UTRN: variants seen among roughly 807,000 people sequenced by gnomAD.
UTRN encodes dystrophin-related protein 1.
In UTRN, 283 loss-of-function variants were observed where a neutral mutation model predicts 463.9. The observed-to-expected ratio is 0.61, with a 90% CI of 0.55 to 0.67. UTRN has a LOEUF of 0.67. Ranked by LOEUF, UTRN falls within the 30% of genes least tolerant of loss-of-function variation. The pLI is 0.00. For synonymous variants in UTRN, 1,442 were observed against 1,431.5 expected, an observed-to-expected ratio of 1.01 and a Z score of -0.17; for missense variants, 3,922 against 4,084.3, an observed-to-expected ratio of 0.96 and a Z score of 1.08.
Position 144,754,810 on chromosome 6 carries a change from T to C in UTRN, c.8434+12T>C, listed in dbSNP as rs1791805195. 8 of 1,610,436 alleles carry C rather than the reference T, an allele frequency of 5.0e-6. No individual in the cohort carries two copies. The highest frequency in any genetic ancestry group is 6.8e-6 in the Non-Finnish European group (8 of 1,177,658). Reference sequence around the variant, plus strand: ...GCATTTTCTCTCTAGTAAGTACTAATAAACTGGACTGATCGCATTAATTGA... The same window carrying C: ...GCATTTTCTCTCTAGTAAGTACTAACAAACTGGACTGATCGCATTAATTGA... On this transcript the variant is annotated intron_variant, in intron 57 of 74. Coordinates refer to ENST00000367545, the MANE Select transcript of UTRN (RefSeq NM_007124.3).
chr6:144,497,027 A>C (rs1271060719), intron 33 of UTRN, among the ~76,000 whole-genome samples: 3 of 152,198 alleles, frequency 2.0e-5, no homozygotes, highest in Non-Finnish European at 4.4e-5. Context: ...AATGTCATAG[A>C]GTTTGTGTTA....
At chr6:144,730,247 T>A in intron 53 of UTRN, 110 bp from the exon 54 acceptor site, 1 of 1,207,838 alleles carries the variant, frequency 8.3e-7, no homozygotes, top group Non-Finnish European at 1.1e-6. Context: ...AAATGCTTGC[T>A]ATTAGTCATT....
chr6:144,389,848 C>T (rs1173120351), intron 2 of UTRN, among the ~76,000 whole-genome samples: 2 of 152,198 alleles, frequency 1.3e-5, no homozygotes, highest in African/African-American at 4.8e-5. Context: ...ATCCGCCCAT[C>T]CTGGCCTCCC....
intron 73 of UTRN, among the ~76,000 whole-genome samples, chr6:144,845,423 T>C (rs560206418): frequency 6.6e-6 from 1 of 152,362 alleles, no homozygotes; most frequent in African/African-American, 2.4e-5. Flanking sequence ...ATTTTTACTA[T>C]GAATTGCCTA....
intron 2 of UTRN, among the ~76,000 whole-genome samples, chr6:144,314,409 C>A (rs1034341890): frequency 2.6e-5 from 4 of 152,206 alleles, no homozygotes; most frequent in African/African-American, 4.8e-5. Context: ...CAGGGCGGAG[C>A]TGTTGCTGTG....
chr6:144,649,194 G>A (rs773044627), intron 51 of UTRN, among the ~76,000 whole-genome samples: 2 of 152,260 alleles, frequency 1.3e-5, no homozygotes, highest in East Asian at 3.9e-4. Context: ...AAAACACGAG[G>A]AGGCTATTAT....
intron 3 of UTRN, among the ~76,000 whole-genome samples, chr6:144,415,254 T>G (rs1784269248): frequency 6.6e-6 from 1 of 152,334 alleles, no homozygotes; most frequent in Non-Finnish European, 1.5e-5. Context: ...TGCATTTCTC[T>G]GAATGTATCC....
At position 144,458,982 on chromosome 6, in the gene UTRN, T is replaced by C. The variant is rs1789143406; in HGVS notation, c.2497T>C (p.Ser833Pro). The change falls in exon 20 of 75, where the codon TCC becomes CCC. Residue 833 changes from serine (S) to proline (P), a missense_variant. Ser to Pro is a moderately conservative substitution (Grantham distance 74, BLOSUM62 -1). Transcript: ENST00000367545. Reference protein sequence around the residue: ...HTSISESSRQSLPSLKDSCQR... With the variant: ...HTSISESSRQPLPSLKDSCQR... ...TTCCATTTCTGAATCTTCCCGGCAG[T>C]CCTTGCCAAGCTTGAAGGATTCCTG... 6.2e-7 allele frequency: 1 copy of C among 1,607,352 alleles called. No homozygotes were observed. The highest frequency in any genetic ancestry group is 8.5e-7 in the Non-Finnish European group (1 of 1,177,814).
chr6:144,510,988 C>A lies in UTRN; in HGVS notation c.4809C>A (p.Thr1603=). Residue 1603 remains threonine (T), a synonymous_variant, in exon 35 of 75, where the codon ACC becomes ACA. Coordinates refer to ENST00000367545, the MANE Select transcript of UTRN (RefSeq NM_007124.3). The part of the protein sequence containing the change: ...DLEKRKADLN[T]ITESSAALQN... ...AAAAGAGAAAAGCTGATTTAAATAC[C>A]ATCACAGAGAGTAGTGCTGCCCTGC... 6.2e-7 allele frequency: 1 copy of A among 1,609,230 alleles called. No individual in the cohort carries two copies. The highest frequency in any genetic ancestry group is 8.5e-7 in the Non-Finnish European group (1 of 1,177,144).
At chr6:144,384,319 G>A (rs1421174616) in intron 2 of UTRN, among the ~76,000 whole-genome samples, 1 of 152,146 alleles carries the variant, frequency 6.6e-6, no homozygotes, top group East Asian at 1.9e-4. Flanking sequence ...TCTGCCTCCT[G>A]TCAGATCAGC....
At chr6:144,663,307 G>T (rs1232477854) in intron 51 of UTRN, among the ~76,000 whole-genome samples, 1 of 152,056 alleles carries the variant, frequency 6.6e-6, no homozygotes, top group Non-Finnish European at 1.5e-5. Context: ...TGGGCTCAAG[G>T]GTGACTATGG....
intron 51 of UTRN, among the ~76,000 whole-genome samples, chr6:144,591,884 G>A (rs1210242600): frequency 6.6e-6 from 1 of 152,160 alleles, no homozygotes; most frequent in Non-Finnish European, 1.5e-5. Context: ...AAGAGTTAAA[G>A]AGGTAGAGAA....
At chr6:144,840,711 TTTG>T (rs1781492849) in intron 72 of UTRN, 26 bp from the exon 73 acceptor site, 1 of 1,612,118 alleles carries the variant, frequency 6.2e-7, no homozygotes. Context: ...TTTGAGAAGC[TTTG>T]TTGTTCTCTT....
At chr6:144,446,421 A>G (rs1238339168) in intron 14 of UTRN, among the ~76,000 whole-genome samples, 1 of 152,242 alleles carries the variant, frequency 6.6e-6, no homozygotes, top group Admixed American at 6.5e-5. Context: ...CATAAATAAA[A>G]TTGCTGAGAA....
intron 14 of UTRN, among the ~76,000 whole-genome samples, chr6:144,445,939 G>C (rs1311029361): frequency 6.6e-6 from 1 of 152,056 alleles, no homozygotes; most frequent in African/African-American, 2.4e-5. Context: ...GGAGGCAGGA[G>C]AATTGCTTGA....
intron 65 of UTRN, among the ~76,000 whole-genome samples, chr6:144,808,654 C>T (rs1287904822): frequency 6.6e-6 from 1 of 151,974 alleles, no homozygotes; most frequent in Non-Finnish European, 1.5e-5. Context: ...TACCCTTTGA[C>T]CAGTCTCTTC....
chr6:144,357,670 A>T (rs995443637), intron 2 of UTRN, among the ~76,000 whole-genome samples: 5 of 152,232 alleles, frequency 3.3e-5, no homozygotes, highest in African/African-American at 4.8e-5. Context: ...AGAATCACTG[A>T]TCTTAGTACT....
intron 51 of UTRN, among the ~76,000 whole-genome samples, chr6:144,616,905 A>G (rs1323780964): frequency 6.6e-6 from 1 of 152,120 alleles, no homozygotes; most frequent in African/African-American, 2.4e-5. Flanking sequence ...TGGTGTAGAA[A>G]TCTGTTAGGA....
intron 51 of UTRN, among the ~76,000 whole-genome samples, chr6:144,593,620 G>C (rs1803343870): frequency 6.6e-6 from 1 of 152,176 alleles, no homozygotes; most frequent in Non-Finnish European, 1.5e-5. Context: ...CCAATTCCAA[G>C]AACTCAGCCA....
Sources: allele counts gnomAD v4.1 joint callset (sites outside exome capture counted in the v4.1 genomes callset), GRCh38; gene constraint gnomAD v4.1.1; transcripts MANE v1.5; gene names NCBI Gene and HGNC (gene_info 2026-07-23, HGNC 2026-07-21).